Variants in SCN9A observed in about 807,000 individuals in gnomAD.
SCN9A encodes sodium channel protein type 9 subunit alpha.
SCN9A carries 131 observed loss-of-function variants against 187.0 expected under a neutral mutation model. The ratio of observed to expected loss-of-function variants is 0.70; its 90% CI spans 0.61 to 0.81. The LOEUF (loss-of-function observed/expected upper bound fraction) is 0.81. Among genes scored for constraint, SCN9A ranks in the 30% least tolerant of loss-of-function variants. The pLI, the probability that SCN9A is intolerant of heterozygous loss-of-function variation, is 0.00. For missense variants in SCN9A, 2,252 were observed against 2,396.6 expected (o/e 0.94, Z 1.26); for synonymous variants, 809 against 808.6 (o/e 1.00, Z -0.01).
rs1697516670 is a variant in SCN9A at position 166,282,099 on chromosome 2, ATATCATCAC to A, written c.1975-300_1975-292del. On this transcript the variant is annotated intron_variant, in intron 12 of 26. Coordinates refer to ENST00000642356, the MANE Select transcript of SCN9A (RefSeq NM_001365536.1). ...AAATAAAGCTAGCTGCTTTTTTGTT[ATATCATCAC>A]TATCATCACCTCTCTGCCTTTCTGA... 8.5e-5 allele frequency among the ~76,000 whole-genome samples: 13 copies of A among 152,188 alleles called. No homozygotes were observed. The South Asian group carries it at 2.7e-3, about 31-fold the overall frequency.
chr2:166,285,129 A>G (rs1697680682), intron 11 of SCN9A, among the ~76,000 whole-genome samples: 1 of 152,194 alleles, frequency 6.6e-6, no homozygotes, highest in Non-Finnish European at 1.5e-5. Context: ...CACAGAACTT[A>G]TAACTTAAAA....
At chr2:166,285,393 A>T (rs1352145856) in intron 11 of SCN9A, among the ~76,000 whole-genome samples, 1 of 152,232 alleles carries the variant, frequency 6.6e-6, no homozygotes, top group Non-Finnish European at 1.5e-5. Flanking sequence ...ACTCATGTCC[A>T]GGGTGTAAAT....
chr2:166,263,288 G>A (rs985619415), intron 17 of SCN9A, among the ~76,000 whole-genome samples: 6 of 151,950 alleles, frequency 3.9e-5, no homozygotes, highest in Admixed American at 6.6e-5. Flanking sequence ...CAGATGTTAC[G>A]TTTCGTTCCT....
intron 1 of SCN9A, among the ~76,000 whole-genome samples, chr2:166,354,111 C>G (rs886828275): frequency 2.6e-5 from 4 of 152,058 alleles, no homozygotes; most frequent in African/African-American, 9.7e-5. Flanking sequence ...TTACAATAAT[C>G]CATAACTATC....
intron 24 of SCN9A, among the ~76,000 whole-genome samples, chr2:166,224,411 A>T (rs1288275874): frequency 6.6e-6 from 1 of 152,178 alleles, no homozygotes; most frequent in Non-Finnish European, 1.5e-5. Flanking sequence ...TCAATCATGC[A>T]CACTAATGAC....
chr2:166,263,879 A>G (rs1472631668), intron 17 of SCN9A, among the ~76,000 whole-genome samples: 1 of 151,984 alleles, frequency 6.6e-6, no homozygotes, highest in Non-Finnish European at 1.5e-5. Context: ...CCAAAGTTAG[A>G]AAGCAGCAAG....
chr2:166,220,933 T>A (rs1694557793), intron 24 of SCN9A, among the ~76,000 whole-genome samples: 1 of 152,192 alleles, frequency 6.6e-6, no homozygotes, highest in Admixed American at 6.5e-5. Context: ...CAGGAAAATC[T>A]GTTAGAACTA....
At chr2:166,322,296 A>G (rs1025996563) in intron 1 of SCN9A, among the ~76,000 whole-genome samples, 2 of 152,198 alleles carry the variant, frequency 1.3e-5, no homozygotes, top group African/African-American at 4.8e-5. Context: ...CTTCAGCAAC[A>G]GTTACAATAT....
chr2:166,349,643 G>A (rs1347485592), intron 1 of SCN9A, among the ~76,000 whole-genome samples: 1 of 151,990 alleles, frequency 6.6e-6, no homozygotes, highest in Non-Finnish European at 1.5e-5. Flanking sequence ...AGACTATAAG[G>A]GCAATGCATT....
intron 1 of SCN9A, among the ~76,000 whole-genome samples, chr2:166,345,940 T>C (rs1304108689): frequency 6.6e-6 from 1 of 152,180 alleles, no homozygotes; most frequent in Non-Finnish European, 1.5e-5. Flanking sequence ...CAACTGAATC[T>C]AGCTTCCTCC....
intron 21 of SCN9A, 62 bp from the exon 22 acceptor site, chr2:166,229,034 A>T (rs1473516154): frequency 7.7e-7 from 1 of 1,306,214 alleles, no homozygotes; most frequent in East Asian, 2.3e-5. Flanking sequence ...AGGCAACATG[A>T]AAGAAATGCC....
At position 166,198,989 on chromosome 2, in the gene SCN9A, G is replaced by C; in HGVS notation, c.5650C>G (p.Leu1884Val). 1 of 1,613,994 alleles carries C rather than the reference G, an allele frequency of 6.2e-7. No individual in the cohort carries two copies. The highest frequency in any genetic ancestry group is 8.5e-7 in the Non-Finnish European group (1 of 1,179,934). Residue 1884 changes from leucine to valine, a missense_variant, in exon 27 of 27, where the codon CTA becomes GTA. Around this residue, in one of 7 missense-constraint regions of SCN9A, gnomAD observed 345 missense variants for 344.6 expected, o/e 1.00. Transcript: ENST00000642356. Reference sequence around the variant, plus strand: ...GACACATCCTCTTGTTTCCGTTTTAGTGTGGTTGTGATGGGTTCATAGGAC... The same window carrying C: ...GACACATCCTCTTGTTTCCGTTTTACTGTGGTTGTGATGGGTTCATAGGAC... ...KVSYEPITTT[L>V]KRKQEDVSAT... is the part of the protein sequence containing the mutation.
intron 18 of SCN9A, chr2:166,249,209 A>T (rs1436058493): frequency 1.3e-5 from 2 of 152,008 alleles, no homozygotes; most frequent in Non-Finnish European, 2.9e-5. Flanking sequence ...TAGCATATTT[A>T]TGTGCTAGTA....
chr2:166,300,184 G>A (rs1247879189), intron 7 of SCN9A, among the ~76,000 whole-genome samples: 1 of 150,740 alleles, frequency 6.6e-6, no homozygotes, highest in Non-Finnish European at 1.5e-5. Context: ...TCCTTCCCAT[G>A]GGCTGAAATG....
chr2:166,275,583 C>CA (rs67225403), intron 16 of SCN9A, among the ~76,000 whole-genome samples: 12,607 of 95,048 alleles, frequency 0.13, 605 homozygotes, highest in Middle Eastern at 0.28. Flanking sequence ...GATTCCATCT[C>CA]AAAAAAAAAA....
intron 24 of SCN9A, among the ~76,000 whole-genome samples, chr2:166,219,023 C>G (rs919062520): frequency 3.9e-5 from 6 of 152,154 alleles, no homozygotes; most frequent in Non-Finnish European, 7.4e-5. Context: ...GAGATACCAT[C>G]TCACACCAGT....
intron 1 of SCN9A, among the ~76,000 whole-genome samples, chr2:166,336,155 T>C (rs764661916): frequency 1.4e-4 from 22 of 152,090 alleles, no homozygotes; most frequent in Non-Finnish European, 2.6e-4. Flanking sequence ...GTGCTTTTGG[T>C]GTTCCCTTAG....
intron 26 of SCN9A, among the ~76,000 whole-genome samples, chr2:166,202,987 A>C (rs539999556): frequency 4.0e-5 from 6 of 151,588 alleles, no homozygotes; most frequent in African/African-American, 1.2e-4. Context: ...CACTAAAAAC[A>C]GGGATGATAC....
Position 166,347,666 on chromosome 2 carries a change from A to AT in SCN9A, c.-51+28030dup, listed in dbSNP as rs924155522. ...GTGGCATTGCTGCTACTATTCCATC[A>AT]TTTTTCCTGAGTAATAAACACATTA... On this transcript the variant is annotated intron_variant, in intron 1 of 26. Coordinates refer to ENST00000642356, the MANE Select transcript of SCN9A (RefSeq NM_001365536.1). Among the ~76,000 whole-genome samples the AT allele has an allele frequency of 2.0e-5, 3 of 152,140 alleles. 1 individual carries two copies. The highest frequency in any genetic ancestry group is 4.4e-5 in the Non-Finnish European group (3 of 68,032).
Sources: gnomAD v4.1 joint callset for allele counts (sites outside exome capture counted in the v4.1 genomes callset) on GRCh38, gnomAD v4.1.1 for gene constraint, gnomAD v4.1.1 regional missense constraint, MANE v1.5 for transcripts, NCBI Gene and HGNC (gene_info 2026-07-23, HGNC 2026-07-21) for gene names.